The following PRKDC variants were observed in gnomAD, a reference collection of about 807,000 sequenced individuals.
PRKDC encodes protein kinase, DNA-activated, catalytic subunit.
In PRKDC, 82 loss-of-function variants were observed where a neutral mutation model predicts 486.9. The observed-to-expected ratio is 0.17, with a 90% CI of 0.14 to 0.20. PRKDC has a LOEUF of 0.20. Ranked by LOEUF, PRKDC falls within the 10% of genes least tolerant of loss-of-function variation. The probability of loss-of-function intolerance (pLI) is 1.00; values close to 1 mark genes in which losing one functional copy is unlikely to be tolerated. For synonymous variants in PRKDC, 1,895 were observed against 1,837.0 expected, an observed-to-expected ratio of 1.03 and a Z score of -0.81; for missense variants, 4,504 against 5,038.2, an observed-to-expected ratio of 0.89 and a Z score of 3.21.
chr8:47,894,819 C>T (rs1268616865), intron 30 of PRKDC, among the ~76,000 whole-genome samples: 1 of 152,160 alleles, frequency 6.6e-6, no homozygotes, highest in African/African-American at 2.4e-5. Flanking sequence ...CCTGTAATTC[C>T]AGCACTTTGG....
At chr8:47,842,041 C>T (rs1482672532) in intron 54 of PRKDC, among the ~76,000 whole-genome samples, 1 of 152,234 alleles carries the variant, frequency 6.6e-6, no homozygotes. Context: ...AGACATACCC[C>T]ACAACCCTCT....
intron 3 of PRKDC, among the ~76,000 whole-genome samples, chr8:47,956,349 G>C (rs2090699721): frequency 6.7e-6 from 1 of 149,502 alleles, no homozygotes; most frequent in African/African-American, 2.5e-5. Context: ...AAGTATTCAC[G>C]GGACTCTGTG....
At chr8:47,912,306 C>T (rs545047258) in intron 25 of PRKDC, 104 bp downstream of exon 25, 46 of 1,276,344 alleles carry the variant, frequency 3.6e-5, no homozygotes, top group African/African-American at 7.7e-5. Context: ...GGAGCAGTAT[C>T]GTTCCTAACC....
At chr8:47,892,795 T>C (rs982533859) in intron 31 of PRKDC, among the ~76,000 whole-genome samples, 1 of 152,242 alleles carries the variant, frequency 6.6e-6, no homozygotes, top group South Asian at 2.1e-4. Context: ...AAAGCAGCTA[T>C]ATTTTAAAGC....
chr8:47,941,575 G>A (rs1269221630), intron 10 of PRKDC, among the ~76,000 whole-genome samples: 5 of 152,178 alleles, frequency 3.3e-5, no homozygotes, highest in Admixed American at 6.6e-5. Context: ...CTGACTCTGC[G>A]GGGAGAGGAC....
chr8:47,814,322 T>C (rs995168384), intron 68 of PRKDC, among the ~76,000 whole-genome samples: 1 of 152,212 alleles, frequency 6.6e-6, no homozygotes, highest in African/African-American at 2.4e-5. Flanking sequence ...AAGATGCTCA[T>C]TTTAGCACGT....
chr8:47,796,070 T>C (rs541584722), intron 73 of PRKDC, among the ~76,000 whole-genome samples: 2 of 151,916 alleles, frequency 1.3e-5, no homozygotes, highest in Admixed American at 6.6e-5. Flanking sequence ...AATTTTTGTA[T>C]TTTTAGTAGA....
chr8:47,933,843 G>T, intron 15 of PRKDC, 122 bp downstream of exon 15: 1 of 1,050,498 alleles, frequency 9.5e-7, no homozygotes. Flanking sequence ...TATTTTTGAA[G>T]TACACTGTTT....
chr8:47,900,213 G>C (rs2089654428), intron 28 of PRKDC, among the ~76,000 whole-genome samples, 160 bp downstream of exon 28: 1 of 152,092 alleles, frequency 6.6e-6, no homozygotes, highest in African/African-American at 2.4e-5. Context: ...TTATTAACAA[G>C]CTGGGTTTGA....
intron 1 of PRKDC, among the ~76,000 whole-genome samples, chr8:47,958,955 C>A (rs966199524): frequency 1.3e-5 from 2 of 152,156 alleles, no homozygotes; most frequent in African/African-American, 4.8e-5. Flanking sequence ...AGGTTGGTCT[C>A]CATCTCCTGA....
Position 47,936,323 on chromosome 8 carries a change from T to A in PRKDC, c.1278+30A>T, listed in dbSNP as rs139258941. ...ATTTGAAGAAATGAAGATTAAATAC[T>A]TAAAATTGTGCTCAGTTTAGTTCAC... On this transcript the variant is annotated intron_variant, in intron 12 of 85. Coordinates refer to ENST00000314191, the MANE Select transcript of PRKDC (RefSeq NM_006904.7). The A allele has an allele frequency of 5.7e-6, 9 of 1,571,170 alleles. No homozygotes were observed. In the African/African-American group the frequency reaches 1.1e-4, roughly 19 times the overall value.
chr8:47,788,824 AAAT>A (rs1217332250), intron 76 of PRKDC, 79 bp downstream of exon 76: 2 of 1,260,612 alleles, frequency 1.6e-6, no homozygotes, highest in African/African-American at 3.0e-5. Flanking sequence ...CATTTAATAC[AAAT>A]ATTATTACAT....
chr8:47,838,097 C>T (rs930419840), intron 56 of PRKDC, among the ~76,000 whole-genome samples: 5 of 152,110 alleles, frequency 3.3e-5, no homozygotes, highest in African/African-American at 1.2e-4. Context: ...AATCATGCTA[C>T]TGCACTCCAG....
intron 80 of PRKDC, among the ~76,000 whole-genome samples, chr8:47,781,120 T>C (rs1172210313): frequency 6.6e-6 from 1 of 152,154 alleles, no homozygotes; most frequent in Non-Finnish European, 1.5e-5. Flanking sequence ...TACCATTCCA[T>C]CCCACAAATG....
chr8:47,855,169 A>G, intron 50 of PRKDC, 53 bp downstream of exon 50: 1 of 1,442,184 alleles, frequency 6.9e-7, no homozygotes. Context: ...TTTACGACAC[A>G]CTACATTTTA....
chr8:47,909,210 G>C (rs1309492873), intron 25 of PRKDC, among the ~76,000 whole-genome samples: 1 of 152,202 alleles, frequency 6.6e-6, no homozygotes, highest in Admixed American at 6.5e-5. Context: ...CACACGGAGG[G>C]ACCGGTTGGA....
Position 47,806,857 on chromosome 8 carries a change from T to C in PRKDC, c.9747+280A>G, listed in dbSNP as rs185817198. On this transcript the variant is annotated intron_variant, in intron 69 of 85. Transcript: ENST00000314191. Reference sequence around the variant, plus strand: ...TTTCTGGAGAGTTTTGAATAAGTGCTCCTTCAAGTTTCCTTTTTCTCTGAG... The same window carrying C: ...TTTCTGGAGAGTTTTGAATAAGTGCCCCTTCAAGTTTCCTTTTTCTCTGAG... Among the ~76,000 whole-genome samples the C allele has an allele frequency of 5.3e-5, 8 of 152,312 alleles. No homozygotes were observed. In the East Asian group the frequency reaches 1.5e-3, roughly 29 times the overall value.
At chr8:47,957,333 A>G in intron 2 of PRKDC, 22 bp downstream of exon 2, 1 of 1,595,464 alleles carries the variant, frequency 6.3e-7, no homozygotes, top group Non-Finnish European at 8.5e-7. Context: ...CAAGAAAAGC[A>G]AAACCAAAAT....
At chr8:47,921,473 T>C (rs2090070376) in intron 21 of PRKDC, among the ~76,000 whole-genome samples, 1 of 152,158 alleles carries the variant, frequency 6.6e-6, no homozygotes, top group African/African-American at 2.4e-5. Context: ...AAGGAAAATA[T>C]TAATAGAATA....
Sources: gnomAD v4.1 joint callset for allele counts (sites outside exome capture counted in the v4.1 genomes callset) on GRCh38, gnomAD v4.1.1 for gene constraint, MANE v1.5 for transcripts, NCBI Gene and HGNC (gene_info 2026-07-23, HGNC 2026-07-21) for gene names.